The following SOBP variants were observed in gnomAD, a reference collection of about 807,000 sequenced individuals.
SOBP encodes the protein sine oculis-binding protein homolog.
SOBP carries 4 observed loss-of-function variants against 53.6 expected under a neutral mutation model. The observed-to-expected ratio is 0.07, with a 90% confidence interval of 0.04 to 0.17. SOBP has a LOEUF of 0.17. Ranked by LOEUF, SOBP falls within the 10% of genes least tolerant of loss-of-function variation. SOBP has a pLI of 1.00. For synonymous variants in SOBP, 584 were observed against 522.6 expected, an observed-to-expected ratio of 1.12 and a Z score of -1.60; for missense variants, 1,088 against 1,204.7, an observed-to-expected ratio of 0.90 and a Z score of 1.43.
intron 6 of SOBP, among the ~76,000 whole-genome samples, chr6:107,646,519 G>T (rs1306966150): frequency 6.6e-6 from 1 of 152,196 alleles, no homozygotes; most frequent in African/African-American, 2.4e-5. Flanking sequence ...CGGACTTCAC[G>T]AATGTGGAAT....
intron 3 of SOBP, among the ~76,000 whole-genome samples, chr6:107,512,714 C>T (rs1783206384): frequency 6.6e-6 from 1 of 152,186 alleles, no homozygotes; most frequent in African/African-American, 2.4e-5. Flanking sequence ...TGCTCCATGA[C>T]AACATTTTGC....
intron 5 of SOBP, among the ~76,000 whole-genome samples, chr6:107,614,919 C>T (rs781592178): frequency 6.6e-6 from 1 of 152,128 alleles, no homozygotes; most frequent in Non-Finnish European, 1.5e-5. Flanking sequence ...GAGTTAATTA[C>T]TGTTTGGGGA....
intron 4 of SOBP, among the ~76,000 whole-genome samples, chr6:107,557,587 A>G (rs1315980014): frequency 2.0e-5 from 3 of 152,218 alleles, no homozygotes; most frequent in Non-Finnish European, 4.4e-5. Flanking sequence ...GAAAGTTACT[A>G]TAGAGTGTTT....
chr6:107,541,989 C>CCTGT (rs1250262922), intron 4 of SOBP, among the ~76,000 whole-genome samples: 2 of 151,318 alleles, frequency 1.3e-5, no homozygotes, highest in Non-Finnish European at 2.9e-5. Flanking sequence ...ATATATTGAG[C>CCTGT]CTGTATACGG....
At chr6:107,641,648 G>A (rs768628800) in intron 6 of SOBP, among the ~76,000 whole-genome samples, 2 of 152,158 alleles carry the variant, frequency 1.3e-5, no homozygotes, top group East Asian at 1.9e-4. Context: ...TTAACCAGCC[G>A]TTGCCCAGGA....
At chr6:107,619,885 G>T (rs1414798148) in intron 5 of SOBP, among the ~76,000 whole-genome samples, 1 of 152,066 alleles carries the variant, frequency 6.6e-6, no homozygotes, top group Non-Finnish European at 1.5e-5. Flanking sequence ...ACGGGATTAG[G>T]CAGGGACCTT....
At chr6:107,505,383 C>T (rs1378647495) in intron 2 of SOBP, among the ~76,000 whole-genome samples, 2 of 151,824 alleles carry the variant, frequency 1.3e-5, no homozygotes, top group Non-Finnish European at 2.9e-5. Flanking sequence ...AGTGCAGTGG[C>T]GCGATCTCAG....
At chr6:107,550,783 A>G (rs1347663287) in intron 4 of SOBP, among the ~76,000 whole-genome samples, 1 of 152,254 alleles carries the variant, frequency 6.6e-6, no homozygotes, top group African/African-American at 2.4e-5. Context: ...CATGTCACAC[A>G]TTAAAAAACC....
chr6:107,499,512 G>A (rs2114938717), intron 1 of SOBP, among the ~76,000 whole-genome samples: 1 of 152,194 alleles, frequency 6.6e-6, no homozygotes, highest in East Asian at 1.9e-4. Context: ...CACTTCCAAG[G>A]GCAAGAAGCA....
intron 5 of SOBP, among the ~76,000 whole-genome samples, chr6:107,595,149 A>G (rs972173767): frequency 6.6e-6 from 1 of 152,184 alleles, no homozygotes; most frequent in Non-Finnish European, 1.5e-5. Context: ...AGGAAGGGCA[A>G]TTTATTCAGA....
At chr6:107,536,142 T>TA (rs1233882746) in intron 4 of SOBP, among the ~76,000 whole-genome samples, 2 of 152,130 alleles carry the variant, frequency 1.3e-5, no homozygotes, top group African/African-American at 4.8e-5. Context: ...AGTGTAGACT[T>TA]AAAAAAACAT....
Position 107,633,837 on chromosome 6 carries a change from C to T in SOBP, c.993C>T (p.Thr331=), listed in dbSNP as rs762777301. 3.1e-6 allele frequency: 5 copies of T among 1,614,042 alleles called. No homozygotes were observed. The African/African-American group carries it at 6.7e-5, about 22-fold the overall frequency. The change falls in exon 6 of 7, where the codon ACC becomes ACT. Residue 331 remains threonine, a synonymous_variant. Transcript: ENST00000317357. Reference sequence around the variant, plus strand: ...GCCCTGGCCCGTCGGCGTCCACCACCGTCTCTCCATCTGACACTGCCAACT... The same window carrying T: ...GCCCTGGCCCGTCGGCGTCCACCACTGTCTCTCCATCTGACACTGCCAACT... The part of the protein sequence containing the change: ...SQGPGPSAST[T]VSPSDTANCS...
rs761098848 is a variant in SOBP, at chr6:107,506,421, C to T, written c.415C>T (p.Pro139Ser). 41 of 1,613,920 alleles carry T rather than the reference C, an allele frequency of 2.5e-5. 1 individual carries two copies. In the Admixed American group the frequency reaches 6.3e-4, roughly 25 times the overall value. The part of the protein sequence containing the change: ...PLIPPPFIKP[P>S]AEDDVSNVQI... ...AATTCCACCACCTTTCATAAAGCCA[C>T]CAGCAGGTAAGTCACTACTGGTGTT... The change falls in exon 3 of 7, where the codon CCA becomes TCA. Residue 139 changes from proline (P) to serine (S), a missense_variant. Transcript: ENST00000317357.
At position 107,502,655 on chromosome 6, in the gene SOBP, G is replaced by C. The variant is rs148534350; in HGVS notation, c.97-1002G>C. Among the ~76,000 whole-genome samples, 31 of 152,124 alleles carry C rather than the reference G, an allele frequency of 2.0e-4. No individual in the cohort carries two copies. In the East Asian group the frequency reaches 6.0e-3, roughly 29 times the overall value. ...TGGCTAGTAACTTTAAAGTTATTTG[G>C]TACTTTTATGTTACTTGTCAGAAGA... On this transcript the variant is annotated intron_variant, in intron 1 of 6. Transcript: ENST00000317357.
At position 107,630,957 on chromosome 6, in the gene SOBP, T is replaced by A. The variant is rs56408626; in HGVS notation, c.670-2557T>A. 1.1e-3 allele frequency among the ~76,000 whole-genome samples: 173 copies of A among 152,296 alleles called. 1 individual carries two copies. Among genetic ancestry groups the A allele is most frequent in the African/African-American group, 3.7e-3 (155 of 41,570 alleles). ...GTAATTCTTTTTATGTCAAAATCGATGAGATATGGTGGAGAATTCTCATTT... is the reference window on the plus strand; with the variant it reads ...GTAATTCTTTTTATGTCAAAATCGAAGAGATATGGTGGAGAATTCTCATTT... On this transcript the variant is annotated intron_variant, in intron 5 of 6. Transcript: ENST00000317357.
At chr6:107,578,506 T>C (rs964892906) in intron 4 of SOBP, among the ~76,000 whole-genome samples, 2 of 152,204 alleles carry the variant, frequency 1.3e-5, no homozygotes, top group Non-Finnish European at 2.9e-5. Flanking sequence ...GTTCTACCAC[T>C]TGTTAACTGT....
At chr6:107,641,549 C>A (rs906847637) in intron 6 of SOBP, among the ~76,000 whole-genome samples, 17 of 152,174 alleles carry the variant, frequency 1.1e-4, no homozygotes, top group African/African-American at 4.1e-4. Context: ...GTGGCAGTGT[C>A]TGGGAGCGCT....
chr6:107,511,380 C>T (rs1387359188), intron 3 of SOBP: 2 of 152,226 alleles, frequency 1.3e-5, no homozygotes, highest in Non-Finnish European at 2.9e-5. Flanking sequence ...TCTTCCCTAA[C>T]CCTGAGAATC....
intron 4 of SOBP, among the ~76,000 whole-genome samples, chr6:107,547,400 A>G (rs1005940583): frequency 2.0e-5 from 3 of 152,226 alleles, no homozygotes; most frequent in African/African-American, 7.2e-5. Flanking sequence ...AAGTACGTCA[A>G]ACAATATGCT....
Sources: gnomAD v4.1 joint callset for allele counts (sites outside exome capture counted in the v4.1 genomes callset) on GRCh38, gnomAD v4.1.1 for gene constraint, MANE v1.5 for transcripts, NCBI Gene and HGNC (gene_info 2026-07-23, HGNC 2026-07-21) for gene names.